The following ROPN1L variants were observed in gnomAD, a reference collection of about 807,000 sequenced individuals.
The protein encoded by ROPN1L is rhophilin associated tail protein 1 like, also known as ropporin-1-like protein.
A neutral mutation model predicts 22.7 loss-of-function variants in ROPN1L; 23 were observed. The ratio of observed to expected loss-of-function variants is 1.01; its 90% confidence interval spans 0.73 to 1.43. The LOEUF is 1.43. Among genes scored for constraint, ROPN1L ranks in the 40% most tolerant of loss-of-function variants. The pLI, the probability that ROPN1L is intolerant of heterozygous loss-of-function variation, is 0.00. For missense variants in ROPN1L, 271 were observed against 291.5 expected, an observed-to-expected ratio of 0.93 and a Z score of 0.51; for synonymous variants, 116 against 117.8, an observed-to-expected ratio of 0.98 and a Z score of 0.10.
At chr5:10,448,780 C>T (rs749617815) in intron 2 of ROPN1L, among the ~76,000 whole-genome samples, 2 of 152,230 alleles carry the variant, frequency 1.3e-5, no homozygotes, top group Non-Finnish European at 2.9e-5. Context: ...AAGCCTCTGC[C>T]TTCTCTGTCT....
At chr5:10,455,872 C>CTTTTAAAA (rs757510378) in intron 3 of ROPN1L, among the ~76,000 whole-genome samples, 29 of 151,932 alleles carry the variant, frequency 1.9e-4, no homozygotes, top group African/African-American at 5.8e-4. Flanking sequence ...GGGTCAGAGG[C>CTTTTAAAA]ACAGCTTCAC....
chr5:10,459,344 CTGCCTTCCACCCTCATCACTGGGTTCT>C lies in ROPN1L; in HGVS notation c.418-1819_418-1793del, dbSNP rs1370842912. The stretch of plus-strand genomic sequence containing the variant: ...GCCTTCCACCCTCATCACTGGGTTC[CTGCCTTCCACCCTCATCACTGGGTTCT>C]TGCCTTCCACCCTCATCACTTCTCT... On this transcript the variant is annotated intron_variant, in intron 3 of 4. Transcript: ENST00000274134. Among the ~76,000 whole-genome samples, 848 of 151,480 alleles carry C rather than the reference CTGCCTTCCACCCTCATCACTGGGTTCT, an allele frequency of 5.6e-3. 7 individuals carry two copies. Among genetic ancestry groups the C allele is most frequent in the African/African-American group, 0.016 (655 of 41,046 alleles).
downstream of ROPN1L, among the ~76,000 whole-genome samples, chr5:10,476,480 G>C (rs930826104): frequency 3.3e-5 from 5 of 152,214 alleles, no homozygotes; most frequent in Non-Finnish European, 7.3e-5. Context: ...AGGGAGCACA[G>C]ATTTTCTTTT....
At chr5:10,477,870 C>T in the ROPN1L span, among the ~76,000 whole-genome samples, 1 of 152,120 alleles carries the variant, frequency 6.6e-6, no homozygotes, top group Non-Finnish European at 1.5e-5. Context: ...GCAGAGGTTG[C>T]AGTGAGCAAA....
downstream of ROPN1L, among the ~76,000 whole-genome samples, chr5:10,475,202 A>G (rs1401925597): frequency 6.6e-6 from 1 of 152,184 alleles, no homozygotes; most frequent in Non-Finnish European, 1.5e-5. Flanking sequence ...ACTTCTCTGC[A>G]GTTCTACAAG....
At chr5:10,446,708 G>A (rs969254082) in intron 1 of ROPN1L, among the ~76,000 whole-genome samples, 5 of 151,794 alleles carry the variant, frequency 3.3e-5, no homozygotes, top group African/African-American at 1.2e-4. Context: ...TTTTGGCTGG[G>A]GAGGAGGGTG....
intron 3 of ROPN1L, among the ~76,000 whole-genome samples, chr5:10,452,571 C>A (rs1741293465): frequency 6.6e-6 from 1 of 151,948 alleles, no homozygotes; most frequent in South Asian, 2.1e-4. Context: ...CTCCTGACCT[C>A]AGGTGATCTG....
downstream of ROPN1L, among the ~76,000 whole-genome samples, chr5:10,467,808 G>A (rs191374760): frequency 5.3e-5 from 8 of 152,258 alleles, no homozygotes; most frequent in East Asian, 3.9e-4. Context: ...TCATGACACC[G>A]TCTGAACACC....
intron 3 of ROPN1L, among the ~76,000 whole-genome samples, chr5:10,458,159 G>A (rs532438222): frequency 6.6e-6 from 1 of 152,018 alleles, no homozygotes; most frequent in Non-Finnish European, 1.5e-5. Flanking sequence ...GGGCTCCGAG[G>A]AAATCCTGTG....
chr5:10,469,848 C>A (rs1361357547), downstream of ROPN1L, among the ~76,000 whole-genome samples: 1 of 152,218 alleles, frequency 6.6e-6, no homozygotes, highest in Non-Finnish European at 1.5e-5. Flanking sequence ...GCTTACCCAG[C>A]ATGGTGGAGT....
chr5:10,462,985 G>C (rs972480826), intron 4 of ROPN1L, among the ~76,000 whole-genome samples: 2 of 152,176 alleles, frequency 1.3e-5, no homozygotes, highest in African/African-American at 4.8e-5. Context: ...ATGGATTACT[G>C]CTGGTGGACC....
At chr5:10,452,854 G>A (rs1741299215) in intron 3 of ROPN1L, among the ~76,000 whole-genome samples, 1 of 152,152 alleles carries the variant, frequency 6.6e-6, no homozygotes, top group African/African-American at 2.4e-5. Context: ...TGAAAAATAA[G>A]GCCTCTTGTC....
At chr5:10,479,888 G>T in the ROPN1L span, among the ~76,000 whole-genome samples, 1 of 152,142 alleles carries the variant, frequency 6.6e-6, no homozygotes, top group African/African-American at 2.4e-5. Context: ...GAGATTACAG[G>T]CATGCGCCAC....
intron 3 of ROPN1L, among the ~76,000 whole-genome samples, chr5:10,460,531 G>A (rs1734999744): frequency 6.6e-6 from 1 of 152,286 alleles, no homozygotes; most frequent in African/African-American, 2.4e-5. Context: ...TGAAAGCAGA[G>A]GGTGGGCTGC....
chr5:10,449,239 C>A lies in ROPN1L; in HGVS notation c.256-713C>A, dbSNP rs117305508. ...ATTGTTTAAAATAGTAGAAGGAAGG[C>A]CGGGCATGGTGGCTCATGCCTTTAA... On this transcript the variant is annotated intron_variant, in intron 2 of 4. Transcript: ENST00000274134. Among the ~76,000 whole-genome samples the A allele has an allele frequency of 1.1e-3, 163 of 152,312 alleles. 2 individuals are homozygous for A. In the East Asian group the frequency reaches 0.026, roughly 24 times the overall value.
downstream of ROPN1L, among the ~76,000 whole-genome samples, chr5:10,467,845 A>T (rs1177176339): frequency 6.6e-6 from 1 of 152,132 alleles, no homozygotes; most frequent in African/African-American, 2.4e-5. Flanking sequence ...AGTGACCAAA[A>T]TGCCAAGGCC....
Position 10,441,910 on chromosome 5 carries a change from C to T in ROPN1L, c.-258C>T, listed in dbSNP as rs1740886877. 1 of 311,558 alleles carries T rather than the reference C, an allele frequency of 3.2e-6. No homozygotes were observed. Among genetic ancestry groups the T allele is most frequent in the Admixed American group, 4.6e-5 (1 of 21,900 alleles). The allele number at this position is 311,558 out of a possible 1,614,324, so 19.3% of individuals were successfully genotyped here. A position where few individuals can be genotyped will look rare whatever the true frequency, so the allele number is the denominator to read the frequency against. On this transcript the variant is annotated 5_prime_UTR_variant, in exon 1 of 5. Coordinates refer to ENST00000274134, the MANE Select transcript of ROPN1L (RefSeq NM_031916.5). ...CGGGTGCCTGGATACCGAGCGCGTC[C>T]GTAGTGGCGGCTGGCGCTAGGGAAC...
chr5:10,469,979 T>A (rs1027835023), downstream of ROPN1L, among the ~76,000 whole-genome samples: 1 of 152,260 alleles, frequency 6.6e-6, no homozygotes, highest in Non-Finnish European at 1.5e-5. Context: ...TGAATTCTCA[T>A]TGTGTGAGAG....
rs149456865 is a variant in ROPN1L at position 10,453,140 on chromosome 5, C to T, written c.417+3027C>T. ...CTCTCCTGGTTGTAGAAAGCCACAG[C>T]CACCCTCTGCTCTGGTCCAGTGCGG... On this transcript the variant is annotated intron_variant, in intron 3 of 4. Coordinates refer to ENST00000274134, the MANE Select transcript of ROPN1L (RefSeq NM_031916.5). 1.3e-3 allele frequency among the ~76,000 whole-genome samples: 195 copies of T among 152,338 alleles called. 1 individual carries two copies. Among genetic ancestry groups the T allele is most frequent in the African/African-American group, 4.4e-3 (185 of 41,576 alleles).
Sources: gnomAD v4.1 joint callset for allele counts (sites outside exome capture counted in the v4.1 genomes callset) on GRCh38, gnomAD v4.1.1 for gene constraint, MANE v1.5 for transcripts, NCBI Gene and HGNC (gene_info 2026-07-23, HGNC 2026-07-21) for gene names.